FDFT1: variants seen among roughly 807,000 people sequenced by gnomAD.
FDFT1 encodes squalene synthase.
In FDFT1, 68 loss-of-function variants were observed where a neutral mutation model predicts 46.8. That is an observed-to-expected ratio of 1.45 (90% confidence interval 1.19 to 1.78). FDFT1 has a LOEUF of 1.78. FDFT1 is among the 40% of genes most tolerant of loss of function. FDFT1 has a pLI of 0.00. For missense variants in FDFT1, 928 were observed against 524.4 expected (o/e 1.77, Z -7.52); for synonymous variants, 351 against 185.1 (o/e 1.90, Z -7.28).
At chr8:11,821,105 T>TG (rs1324080703) in intron 3 of FDFT1, among the ~76,000 whole-genome samples, 1 of 152,220 alleles carries the variant, frequency 6.6e-6, no homozygotes, top group Non-Finnish European at 1.5e-5. Context: ...TTTGCACAAA[T>TG]GAATCTTTCT....
chr8:11,819,397 C>A (rs1282085446), intron 3 of FDFT1, among the ~76,000 whole-genome samples: 1 of 152,146 alleles, frequency 6.6e-6, no homozygotes, highest in Admixed American at 6.5e-5. Context: ...GTTGACCTGC[C>A]TTGCTAGGTT....
chr8:11,830,121 C>G (rs1248626429), intron 5 of FDFT1, 123 bp from the exon 6 acceptor site: 4 of 795,734 alleles, frequency 5.0e-6, no homozygotes, highest in Middle Eastern at 7.1e-4. Context: ...GCTGGGATTA[C>G]AGGCGTGAGC....
At chr8:11,831,731 C>T (rs1282345764) in intron 7 of FDFT1, 61 bp downstream of exon 7, 1 of 1,354,966 alleles carries the variant, frequency 7.4e-7, no homozygotes, top group Non-Finnish European at 1.1e-6. Flanking sequence ...AGTAATGTCA[C>T]TGTTTAACCA....
upstream of FDFT1, chr8:11,801,816 C>A: frequency 2.7e-6 from 1 of 375,626 alleles, no homozygotes; most frequent in South Asian, 2.0e-5. Flanking sequence ...GCCTCAGCCT[C>A]CGGAGTAGTT....
chr8:11,801,741 T>C, upstream of FDFT1: 1 of 340,058 alleles, frequency 2.9e-6, no homozygotes, highest in South Asian at 2.2e-5. Flanking sequence ...TTGGCCTGGC[T>C]GGAGTGCAGC....
intron 1 of FDFT1, among the ~76,000 whole-genome samples, chr8:11,807,583 C>G (rs1264240981): frequency 1.8e-5 from 2 of 109,282 alleles, no homozygotes; most frequent in African/African-American, 5.2e-5. Context: ...CCTAAAACTG[C>G]TCTAAAAAAT....
upstream of FDFT1, among the ~76,000 whole-genome samples, chr8:11,801,478 C>T (rs960692416): frequency 6.6e-6 from 1 of 152,192 alleles, no homozygotes; most frequent in Non-Finnish European, 1.5e-5. Context: ...TGCCACCATG[C>T]CTGGCTAATT....
intron 7 of FDFT1, among the ~76,000 whole-genome samples, chr8:11,838,160 C>T (rs901777804): frequency 6.6e-6 from 1 of 152,176 alleles, no homozygotes; most frequent in Non-Finnish European, 1.5e-5. Flanking sequence ...AGTATGCACA[C>T]CTGTGCCTCC....
intron 3 of FDFT1, among the ~76,000 whole-genome samples, chr8:11,810,278 C>A (rs1426599142): frequency 6.6e-6 from 1 of 152,198 alleles, no homozygotes; most frequent in African/African-American, 2.4e-5. Context: ...GGCTAGCTCA[C>A]AAAAGCCTGC....
chr8:11,797,503 GT>G (rs1187871682), upstream of FDFT1, among the ~76,000 whole-genome samples: 1 of 138,628 alleles, frequency 7.2e-6, no homozygotes, highest in Non-Finnish European at 1.5e-5. Flanking sequence ...CATTGTAGAT[GT>G]TCAGCCAATG....
intron 3 of FDFT1, among the ~76,000 whole-genome samples, chr8:11,814,824 C>G (rs929961569): frequency 6.6e-6 from 1 of 151,868 alleles, no homozygotes; most frequent in Non-Finnish European, 1.5e-5. Context: ...GTTGGCAGAT[C>G]TGCTCACTAG....
chr8:11,837,036 G>A (rs574198202), intron 7 of FDFT1, among the ~76,000 whole-genome samples: 1 of 152,228 alleles, frequency 6.6e-6, no homozygotes, highest in Non-Finnish European at 1.5e-5. Flanking sequence ...ACAATAGGGT[G>A]GCTCCTGGCT....
In FDFT1 at chr8:11,809,687, A is replaced by G; in HGVS notation, c.218A>G (p.Tyr73Cys). The G allele has an allele frequency of 3.7e-6, 6 of 1,613,044 alleles. No individual in the cohort carries two copies. The highest frequency in any genetic ancestry group is 4.2e-6 in the Non-Finnish European group (5 of 1,179,610). ...GEMRNAVCIFYLVLRALDTLE... is the reference protein window; with the variant it reads ...GEMRNAVCIFCLVLRALDTLE... ...TACAGCAACGCAGTGTGCATATTTT[A>G]TCTGGTTCTCCGAGCTCTGGACACA... Residue 73 changes from tyrosine (Y) to cysteine (C), a missense_variant, in exon 3 of 8, where the codon TAT becomes TGT. By Grantham distance (194) the Tyr-to-Cys change is radical (BLOSUM62 -2). Transcript: ENST00000220584.
intron 1 of FDFT1, chr8:11,803,401 TTGC>T (rs1451519882): frequency 7.8e-7 from 1 of 1,289,390 alleles, no homozygotes; most frequent in Non-Finnish European, 1.0e-6. Context: ...TCTCCCCGCC[TTGC>T]TGCCTTCCAT....
intron 7 of FDFT1, among the ~76,000 whole-genome samples, chr8:11,835,615 T>TA (rs1238364220): frequency 6.6e-6 from 1 of 152,162 alleles, no homozygotes; most frequent in Non-Finnish European, 1.5e-5. Context: ...TGATTCCAAA[T>TA]AAGTAAATCT....
chr8:11,836,484 C>G (rs906722453), intron 7 of FDFT1, among the ~76,000 whole-genome samples: 8 of 152,234 alleles, frequency 5.3e-5, no homozygotes, highest in African/African-American at 1.7e-4. Context: ...CCTCTCTGCT[C>G]CTCAGGGCCA....
Position 11,830,425 on chromosome 8 carries a change from G to A in FDFT1, c.879+5G>A. On this transcript the variant is annotated splice_donor_5th_base_variant and intron_variant, in intron 6 of 7. Coordinates refer to ENST00000220584, the MANE Select transcript of FDFT1 (RefSeq NM_004462.5). ...AACTTCTGTGCTATTCCACAGGTAGGGAAGGGGGCTCCTCTGGGTGGATAC... is the reference window on the plus strand; with the variant it reads ...AACTTCTGTGCTATTCCACAGGTAGAGAAGGGGGCTCCTCTGGGTGGATAC... 6.2e-7 allele frequency: 1 copy of A among 1,609,756 alleles called. No homozygotes were observed. Among genetic ancestry groups the A allele is most frequent in the East Asian group, 2.2e-5 (1 of 44,854 alleles).
chr8:11,802,423 C>G (rs544786076), upstream of FDFT1: 25 of 458,508 alleles, frequency 5.5e-5, no homozygotes, highest in African/African-American at 4.6e-4. Context: ...CGCCTCACCT[C>G]CAGTCCCCAC....
upstream of FDFT1, chr8:11,802,171 T>C (rs926398836): frequency 1.1e-5 from 5 of 447,140 alleles, no homozygotes; most frequent in African/African-American, 1.0e-4. Context: ...TGGATGGCGG[T>C]GGCGGGCAGG....
Sources: allele counts gnomAD v4.1 joint callset (sites outside exome capture counted in the v4.1 genomes callset), GRCh38; gene constraint gnomAD v4.1.1; transcripts MANE v1.5; gene names NCBI Gene and HGNC (gene_info 2026-07-23, HGNC 2026-07-21).